Variants in LIMCH1 observed in about 807,000 individuals in gnomAD.
LIMCH1 encodes LIM and calponin homology domains 1, also known as LIM and calponin homology domains-containing protein 1.
Under a neutral mutation model 176.5 loss-of-function variants are expected in LIMCH1, and 113 were observed. The ratio of observed to expected loss-of-function variants is 0.64; its 90% CI spans 0.55 to 0.75. The LOEUF is 0.75. LIMCH1 is among the 30% of genes least tolerant of loss of function. LIMCH1 has a pLI of 0.00. For missense variants in LIMCH1, 1,674 were observed against 1,814.9 expected (o/e 0.92, Z 1.41); for synonymous variants, 619 against 645.9 (o/e 0.96, Z 0.63).
intron 1 of LIMCH1, among the ~76,000 whole-genome samples, chr4:41,430,032 T>C: frequency 6.6e-6 from 1 of 152,166 alleles, no homozygotes; most frequent in Non-Finnish European, 1.5e-5. Context: ...TATAATGTTC[T>C]TGGAGGAAGG....
chr4:41,533,835 AG>A (rs1488379193), upstream of LIMCH1, among the ~76,000 whole-genome samples: 2 of 152,240 alleles, frequency 1.3e-5, no homozygotes, highest in Admixed American at 6.5e-5. Flanking sequence ...AACTAGCTTC[AG>A]GGCATGGAAT....
chr4:41,451,763 G>T lies in LIMCH1; in HGVS notation c.97-42773G>T, dbSNP rs536756501. Among the ~76,000 whole-genome samples the T allele has an allele frequency of 8.5e-5, 13 of 152,346 alleles. No individual in the cohort carries two copies. In the South Asian group the frequency reaches 2.7e-3, roughly 32 times the overall value. ...TTGATGTTTGTTACTTTAGTTCTCA[G>T]TTAAAACCTCTACCTTCGGGGTAGC... On this transcript the variant is annotated intron_variant, in intron 1 of 26. Coordinates refer to the LIMCH1 transcript ENST00000313860.
At chr4:41,605,137 G>T (rs1175087054) in intron 3 of LIMCH1, among the ~76,000 whole-genome samples, 1 of 152,162 alleles carries the variant, frequency 6.6e-6, no homozygotes, top group Admixed American at 6.6e-5. Flanking sequence ...TGCTTTTGTG[G>T]ACAATTTCTT....
chr4:41,506,474 G>A (rs1000790557), intron 2 of LIMCH1, among the ~76,000 whole-genome samples: 1 of 152,120 alleles, frequency 6.6e-6, no homozygotes, highest in Non-Finnish European at 1.5e-5. Context: ...GCACCAAGAG[G>A]CATAAAAACA....
chr4:41,458,342 GT>G (rs1407857315), intron 1 of LIMCH1, among the ~76,000 whole-genome samples: 1 of 152,130 alleles, frequency 6.6e-6, no homozygotes. Context: ...TTAAATCAAA[GT>G]TTGAACAGAT....
At chr4:41,670,491 C>T (rs1439801395) in intron 21 of LIMCH1, among the ~76,000 whole-genome samples, 1 of 152,172 alleles carries the variant, frequency 6.6e-6, no homozygotes, top group African/African-American at 2.4e-5. Context: ...TTTCATCTAA[C>T]ACCAAAGAAG....
chr4:41,663,000 G>C lies in LIMCH1; in HGVS notation c.3291+16G>C, dbSNP rs75609446. 3 of 1,609,698 alleles carry C rather than the reference G, an allele frequency of 1.9e-6. No individual in the cohort carries two copies. Among genetic ancestry groups the C allele is most frequent in the Non-Finnish European group, 2.5e-6 (3 of 1,176,952 alleles). On this transcript the variant is annotated intron_variant, in intron 20 of 31. Transcript: ENST00000503057. ...GTCACAAAAGGTGAAGTGCAGAGTG[G>C]AGGAAAGCGGTTAAACCCACAAGTT...
At chr4:41,587,386 G>A (rs534640576) in intron 1 of LIMCH1, among the ~76,000 whole-genome samples, 3 of 152,234 alleles carry the variant, frequency 2.0e-5, no homozygotes, top group Non-Finnish European at 4.4e-5. Context: ...GTCAATATGG[G>A]CCTTTTCCTG....
chr4:41,445,683 T>C (rs2063211141), intron 1 of LIMCH1, among the ~76,000 whole-genome samples: 1 of 152,222 alleles, frequency 6.6e-6, no homozygotes, highest in African/African-American at 2.4e-5. Context: ...TCCACGATAC[T>C]TTCAAATGGA....
intron 2 of LIMCH1, among the ~76,000 whole-genome samples, chr4:41,522,739 G>A (rs1221962122): frequency 1.3e-5 from 2 of 152,142 alleles, no homozygotes; most frequent in African/African-American, 4.8e-5. Context: ...CTACTAACCA[G>A]CTCTGGGGAA....
chr4:41,454,966 GTGTGTGTGTGTGTT>G (rs2064377580), intron 1 of LIMCH1, among the ~76,000 whole-genome samples: 2 of 151,496 alleles, frequency 1.3e-5, no homozygotes, highest in Non-Finnish European at 2.9e-5. Flanking sequence ...GTGTGTGTGT[GTGTGTGTGTGTGTT>G]TGTGTGGTCA....
intron 22 of LIMCH1, among the ~76,000 whole-genome samples, chr4:41,675,491 C>A (rs1485371499): frequency 1.3e-5 from 2 of 151,392 alleles, no homozygotes; most frequent in Admixed American, 1.3e-4. Flanking sequence ...GATTCCCAGG[C>A]AGTTGCTTCC....
intron 1 of LIMCH1, among the ~76,000 whole-genome samples, chr4:41,407,528 C>A (rs974845136): frequency 1.3e-5 from 2 of 152,208 alleles, no homozygotes; most frequent in African/African-American, 2.4e-5. Context: ...CTGCACCTGG[C>A]CCCCCATCAT....
At chr4:41,428,548 T>C (rs2061324200) in intron 1 of LIMCH1, among the ~76,000 whole-genome samples, 1 of 151,968 alleles carries the variant, frequency 6.6e-6, no homozygotes, top group African/African-American at 2.4e-5. Context: ...AGACTATGCA[T>C]TTGGCCATTT....
chr4:41,494,354 C>T (rs967324181), intron 1 of LIMCH1, among the ~76,000 whole-genome samples: 23 of 149,090 alleles, frequency 1.5e-4, no homozygotes, highest in Admixed American at 1.3e-4. Context: ...TATATACATA[C>T]GTACACATAC....
intron 5 of LIMCH1, 28 bp downstream of exon 5, chr4:41,613,689 A>G (rs1022217992): frequency 6.3e-7 from 1 of 1,591,014 alleles, no homozygotes; most frequent in African/African-American, 1.3e-5. Flanking sequence ...TAAACTATCC[A>G]TCTTGAAATT....
chr4:41,502,521 C>T (rs1176908459), intron 2 of LIMCH1, among the ~76,000 whole-genome samples: 1 of 152,146 alleles, frequency 6.6e-6, no homozygotes, highest in East Asian at 1.9e-4. Flanking sequence ...ATCTACGTTC[C>T]CACCAACAGT....
intron 1 of LIMCH1, among the ~76,000 whole-genome samples, chr4:41,401,569 A>C (rs1424724887): frequency 6.6e-6 from 1 of 152,140 alleles, no homozygotes; most frequent in Non-Finnish European, 1.5e-5. Context: ...TTCTGTGAAG[A>C]AAGTCATTGG....
chr4:41,426,142 C>T (rs1410068440), intron 1 of LIMCH1, among the ~76,000 whole-genome samples: 2 of 150,212 alleles, frequency 1.3e-5, no homozygotes, highest in East Asian at 1.9e-4. Context: ...CTGCCTCAGC[C>T]TCCCAAGTAG....
Sources: gnomAD v4.1 joint callset for allele counts (sites outside exome capture counted in the v4.1 genomes callset) on GRCh38, gnomAD v4.1.1 for gene constraint, MANE v1.5 for transcripts, NCBI Gene and HGNC (gene_info 2026-07-23, HGNC 2026-07-21) for gene names.